Variants in LEF1 observed in about 807,000 individuals in gnomAD.
LEF1 encodes lymphoid enhancer-binding factor 1.
In LEF1, 14 loss-of-function variants were observed where a neutral mutation model predicts 51.2. The observed-to-expected ratio is 0.27, with a 90% CI of 0.18 to 0.43. The LOEUF (loss-of-function observed/expected upper bound fraction) is 0.43. Among genes scored for constraint, LEF1 ranks in the 20% least tolerant of loss-of-function variants. The probability of loss-of-function intolerance (pLI) is 1.00; values close to 1 mark genes in which losing one functional copy is unlikely to be tolerated. For missense variants in LEF1, 386 were observed against 512.0 expected, an observed-to-expected ratio of 0.75 and a Z score of 2.37; for synonymous variants, 185 against 183.2, an observed-to-expected ratio of 1.01 and a Z score of -0.08.
chr4:108,167,522 C>A lies in LEF1; in HGVS notation c.213+33G>T. On this transcript the variant is annotated intron_variant, in intron 1 of 11. Coordinates refer to ENST00000265165, the MANE Select transcript of LEF1 (RefSeq NM_016269.5). This position sits in a 1 kb window ranked among gnomAD's most constrained non-coding sequence, Gnocchi z 5.7. Reference sequence around the variant, plus strand: ...CTCTGAGTTTCCCAGGGACCCGCCACGCCTCTCGGAACTGGGGCAGCGGCC... The same window carrying A: ...CTCTGAGTTTCCCAGGGACCCGCCAAGCCTCTCGGAACTGGGGCAGCGGCC... 1.2e-6 allele frequency: 2 copies of A among 1,607,380 alleles called. No homozygotes were observed. The highest frequency in any genetic ancestry group is 2.2e-5 in the East Asian group (1 of 44,830).
intron 3 of LEF1, among the ~76,000 whole-genome samples, chr4:108,156,392 A>G (rs982209939): frequency 1.3e-5 from 2 of 152,238 alleles, no homozygotes; most frequent in Non-Finnish European, 1.5e-5. Context: ...TGCAAAAAAT[A>G]AGAGAAAAAG....
chr4:108,103,152 CA>C (rs1740935942), intron 3 of LEF1, among the ~76,000 whole-genome samples: 1 of 152,234 alleles, frequency 6.6e-6, no homozygotes, highest in African/African-American at 2.4e-5. Flanking sequence ...TGAGAATTGT[CA>C]AGCTGCAAAC....
chr4:108,062,874 C>T (rs1175916166), intron 11 of LEF1, among the ~76,000 whole-genome samples: 1 of 152,140 alleles, frequency 6.6e-6, no homozygotes, highest in Middle Eastern at 3.4e-3. Context: ...GAACTGTTAC[C>T]AGGAGAAGAG....
rs555470812 is a variant in LEF1 at position 108,120,228 on chromosome 4, G to A, written c.415-30971C>T. On this transcript the variant is annotated intron_variant, in intron 3 of 11. Coordinates refer to ENST00000265165, the MANE Select transcript of LEF1 (RefSeq NM_016269.5). ...TTATATTTTGTAGAGATGGGGTCTC[G>A]CTTTGTTGCCCAGGCTGGTCTCAAA... is the stretch of plus-strand genomic sequence containing the variant. Among the ~76,000 whole-genome samples the A allele has an allele frequency of 1.1e-4, 17 of 151,938 alleles. No homozygotes were observed. In the South Asian group the frequency reaches 1.9e-3, roughly 17 times the overall value.
intron 11 of LEF1, among the ~76,000 whole-genome samples, chr4:108,055,876 A>G (rs1057037418): frequency 1.3e-5 from 2 of 152,222 alleles, no homozygotes; most frequent in Admixed American, 6.5e-5. Context: ...CATTCTTAAA[A>G]GCTTTCACTG....
chr4:108,081,243 C>T (rs1286628019), intron 6 of LEF1, among the ~76,000 whole-genome samples: 1 of 152,164 alleles, frequency 6.6e-6, no homozygotes, highest in African/African-American at 2.4e-5. Flanking sequence ...CTTACCCCAC[C>T]CCCGGCATAT....
rs369155683 is a variant in LEF1 at position 108,160,885 on chromosome 4, G to A, written c.414+2683C>T. 5.9e-5 allele frequency among the ~76,000 whole-genome samples: 9 copies of A among 152,174 alleles called. No individual in the cohort carries two copies. In the East Asian group the frequency reaches 1.5e-3, roughly 26 times the overall value. On this transcript the variant is annotated intron_variant, in intron 3 of 11. Transcript: ENST00000265165. Reference sequence around the variant, plus strand: ...AAACAGAAGACTGTTTAGGGAAGGAGTGGTCAGGTCCCTCCCCCACCCCAG... The same window carrying A: ...AAACAGAAGACTGTTTAGGGAAGGAATGGTCAGGTCCCTCCCCCACCCCAG...
chr4:108,071,620 T>C (rs1738478596), intron 8 of LEF1: 1 of 152,202 alleles, frequency 6.6e-6, no homozygotes, highest in African/African-American at 2.4e-5. Flanking sequence ...GGGGTTTACA[T>C]TTGCACACTG....
intron 11 of LEF1, among the ~76,000 whole-genome samples, chr4:108,060,192 TGAA>T (rs1737578229): frequency 1.3e-5 from 2 of 152,114 alleles, no homozygotes; most frequent in East Asian, 3.9e-4. Context: ...GTACAGGAAC[TGAA>T]GAACATCCCC....
intron 3 of LEF1, among the ~76,000 whole-genome samples, chr4:108,111,581 A>G (rs1441524109): frequency 6.6e-6 from 1 of 152,206 alleles, no homozygotes; most frequent in African/African-American, 2.4e-5. Context: ...GAGGAGGAAG[A>G]GTAAAGAAAA....
At chr4:108,057,767 T>C (rs547169040) in intron 11 of LEF1, among the ~76,000 whole-genome samples, 1 of 152,272 alleles carries the variant, frequency 6.6e-6, no homozygotes, top group Admixed American at 6.5e-5. Context: ...TTAACTACTA[T>C]ATTGAGCTTA....
chr4:108,074,149 A>G (rs1359803001), intron 8 of LEF1, among the ~76,000 whole-genome samples: 3 of 152,228 alleles, frequency 2.0e-5, no homozygotes, highest in African/African-American at 7.2e-5. Flanking sequence ...GAAAACAAAA[A>G]CAAAGTCTAG....
chr4:108,118,837 A>C (rs1741994298), intron 3 of LEF1, among the ~76,000 whole-genome samples: 1 of 152,084 alleles, frequency 6.6e-6, no homozygotes, highest in Non-Finnish European at 1.5e-5. Context: ...CACAACGTCC[A>C]CCAGACCTGT....
chr4:108,077,166 A>G (rs1412627735), intron 8 of LEF1, among the ~76,000 whole-genome samples: 1 of 151,770 alleles, frequency 6.6e-6, no homozygotes, highest in Non-Finnish European at 1.5e-5. Context: ...TAGCAATACC[A>G]CATCTCTACA....
intron 3 of LEF1, among the ~76,000 whole-genome samples, chr4:108,147,687 C>T (rs1744082287): frequency 2.0e-5 from 3 of 152,120 alleles, no homozygotes; most frequent in Non-Finnish European, 4.4e-5. Context: ...ACAGTGATTC[C>T]CTGCAATGAA....
chr4:108,148,794 T>A (rs999765290), intron 3 of LEF1, among the ~76,000 whole-genome samples: 2 of 152,242 alleles, frequency 1.3e-5, no homozygotes, highest in African/African-American at 4.8e-5. Context: ...GAAACTCCTA[T>A]AACAACATAT....
At chr4:108,160,674 G>T (rs1288877444) in intron 3 of LEF1, among the ~76,000 whole-genome samples, 2 of 152,182 alleles carry the variant, frequency 1.3e-5, no homozygotes, top group African/African-American at 4.8e-5. Context: ...TGAAAGTGGT[G>T]CTCCTGAACA....
intron 3 of LEF1, among the ~76,000 whole-genome samples, chr4:108,113,014 A>T (rs1464383671): frequency 6.6e-6 from 1 of 152,240 alleles, no homozygotes; most frequent in Non-Finnish European, 1.5e-5. Flanking sequence ...GCAGAAGCCC[A>T]GGAATGGAAG....
intron 11 of LEF1, among the ~76,000 whole-genome samples, chr4:108,061,631 A>ATT (rs1166767728): frequency 3.5e-5 from 3 of 84,868 alleles, no homozygotes; most frequent in Non-Finnish European, 5.4e-5. Context: ...AATTAAAACA[A>ATT]TTTTTTTTTT....
Sources: gnomAD v4.1 joint callset for allele counts (sites outside exome capture counted in the v4.1 genomes callset) on GRCh38, gnomAD v4.1.1 for gene constraint, Gnocchi (gnomAD v3.1) non-coding constraint, MANE v1.5 for transcripts, NCBI Gene and HGNC (gene_info 2026-07-23, HGNC 2026-07-21) for gene names.